Variants in IFT25 observed in about 807,000 individuals in gnomAD.
IFT25 encodes intraflagellar transport 25.
the IFT25 span, among the ~76,000 whole-genome samples, chr1:53,914,895 A>G: frequency 6.6e-6 from 1 of 152,218 alleles, no homozygotes; most frequent in Non-Finnish European, 1.5e-5. Context: ...GATAAACACA[A>G]TTTTCATTTC....
At chr1:53,934,566 G>C in the IFT25 span, among the ~76,000 whole-genome samples, 1 of 152,164 alleles carries the variant, frequency 6.6e-6, no homozygotes, top group South Asian at 2.1e-4. Context: ...CAGCTCAAAA[G>C]TAGAAACAAC....
At chr1:53,923,076 A>G in the IFT25 span, among the ~76,000 whole-genome samples, 1 of 152,204 alleles carries the variant, frequency 6.6e-6, no homozygotes, top group Non-Finnish European at 1.5e-5. Context: ...AAAATTCAGT[A>G]ACATTAATCA....
chr1:53,946,256 T>C, the IFT25 span: 1 of 147,842 alleles, frequency 6.8e-6, no homozygotes, highest in Non-Finnish European at 1.5e-5. Flanking sequence ...TTCCAAACCC[T>C]CGGCCCTCGG....
the IFT25 span, among the ~76,000 whole-genome samples, chr1:53,940,700 T>G: frequency 6.6e-6 from 1 of 152,026 alleles, no homozygotes; most frequent in Admixed American, 6.6e-5. Context: ...TTTTAAAAAT[T>G]TTCATTATTT....
At chr1:53,935,028 A>C in the IFT25 span, among the ~76,000 whole-genome samples, 2 of 152,176 alleles carry the variant, frequency 1.3e-5, no homozygotes, top group Non-Finnish European at 2.9e-5. Context: ...GAAAGAAACC[A>C]GTCACGGCTG....
chr1:53,941,292 T>C, the IFT25 span, among the ~76,000 whole-genome samples: 3 of 151,954 alleles, frequency 2.0e-5, no homozygotes, highest in Admixed American at 1.3e-4. Flanking sequence ...CGCGCCCGGC[T>C]TGCACAGGCT....
the IFT25 span, among the ~76,000 whole-genome samples, chr1:53,912,861 T>C: frequency 6.6e-6 from 1 of 152,224 alleles, no homozygotes; most frequent in Non-Finnish European, 1.5e-5. Flanking sequence ...AGTTTACGAT[T>C]CGACAGATCT....
the IFT25 span, among the ~76,000 whole-genome samples, chr1:53,925,601 C>G: frequency 6.6e-6 from 1 of 150,562 alleles, no homozygotes; most frequent in South Asian, 2.1e-4. Flanking sequence ...GGAGGTGGAG[C>G]TTGCAGTGAG....
chr1:53,937,177 G>A, the IFT25 span, among the ~76,000 whole-genome samples: 2 of 152,178 alleles, frequency 1.3e-5, no homozygotes, highest in Non-Finnish European at 2.9e-5. Context: ...GAGTGCAGTG[G>A]CATGATCTCA....
chr1:53,936,339 A>G, the IFT25 span, among the ~76,000 whole-genome samples: 1 of 152,032 alleles, frequency 6.6e-6, no homozygotes, highest in Non-Finnish European at 1.5e-5. Flanking sequence ...AGTCCCAGCT[A>G]CTCAGGAGGC....
chr1:53,923,906 C>A, the IFT25 span: 7 of 1,572,724 alleles, frequency 4.5e-6, no homozygotes, highest in South Asian at 7.8e-5. Context: ...TCACTTACCA[C>A]AATTTCTTCA....
chr1:53,942,924 T>G, the IFT25 span, among the ~76,000 whole-genome samples: 1 of 152,324 alleles, frequency 6.6e-6, no homozygotes, highest in Middle Eastern at 3.4e-3. Flanking sequence ...ACGTTTTAAG[T>G]AGGACATTGT....
the IFT25 span, among the ~76,000 whole-genome samples, chr1:53,925,903 C>T: frequency 6.6e-6 from 1 of 151,342 alleles, no homozygotes; most frequent in African/African-American, 2.4e-5. Context: ...GAGTTTGAGA[C>T]CAGCCTGGCC....
At chr1:53,941,381 T>C in the IFT25 span, among the ~76,000 whole-genome samples, 1 of 152,242 alleles carries the variant, frequency 6.6e-6, no homozygotes, top group East Asian at 1.9e-4. Flanking sequence ...TGCACCACTG[T>C]GCCCGGCCAA....
chr1:53,931,160 A>C, the IFT25 span, among the ~76,000 whole-genome samples: 9 of 152,182 alleles, frequency 5.9e-5, no homozygotes, highest in East Asian at 1.4e-3. Flanking sequence ...CTATGCTACA[A>C]TGTTTCCATT....
chr1:53,923,002 C>T, the IFT25 span, among the ~76,000 whole-genome samples: 38 of 152,120 alleles, frequency 2.5e-4, 1 homozygote, highest in East Asian at 1.9e-4. Context: ...AAACAATATA[C>T]GAAAGGTAGC....
the IFT25 span, among the ~76,000 whole-genome samples, chr1:53,926,614 G>C: frequency 6.6e-6 from 1 of 151,986 alleles, no homozygotes; most frequent in Non-Finnish European, 1.5e-5. Context: ...TCAGAATTAA[G>C]TCTCTTTTAA....
At chr1:53,927,446 T>C in the IFT25 span, among the ~76,000 whole-genome samples, 2 of 152,132 alleles carry the variant, frequency 1.3e-5, no homozygotes, top group African/African-American at 2.4e-5. Flanking sequence ...CTTCCACTAG[T>C]ATCGTATTTT....
At chr1:53,921,694 C>T in the IFT25 span, 38 of 1,613,364 alleles carry the variant, frequency 2.4e-5, no homozygotes, top group South Asian at 3.2e-4. Flanking sequence ...TGCAGAAACG[C>T]TATGCACAGA....
Sources: gnomAD v4.1 joint callset for allele counts (sites outside exome capture counted in the v4.1 genomes callset) on GRCh38, gnomAD v4.1.1 for gene constraint, MANE v1.5 for transcripts, NCBI Gene and HGNC (gene_info 2026-07-23, HGNC 2026-07-21) for gene names.